KATNBL1: variants seen among roughly 807,000 people sequenced by gnomAD.
KATNBL1 encodes KATNB1-like protein 1.
Under a neutral mutation model 44.7 loss-of-function variants are expected in KATNBL1, and 28 were observed. The ratio of observed to expected loss-of-function variants is 0.63; its 90% CI spans 0.46 to 0.86. KATNBL1 has a LOEUF of 0.86. Ranked by LOEUF, KATNBL1 falls within the 40% of genes least tolerant of loss-of-function variation. KATNBL1 has a pLI of 0.00. For missense variants in KATNBL1, 272 were observed against 350.7 expected (o/e 0.78, Z 1.79); for synonymous variants, 78 against 114.9 (o/e 0.68, Z 2.06).
At chr15:34,188,529 T>C (rs1453351621) in intron 1 of KATNBL1, among the ~76,000 whole-genome samples, 8 of 152,070 alleles carry the variant, frequency 5.3e-5, no homozygotes, top group Non-Finnish European at 1.0e-4. Context: ...GTACTCCAGG[T>C]TGGGCAACAG....
intron 4 of KATNBL1, among the ~76,000 whole-genome samples, chr15:34,150,704 C>G (rs762385960): frequency 2.0e-5 from 3 of 152,330 alleles, no homozygotes; most frequent in East Asian, 1.9e-4. Flanking sequence ...TATTTCATCA[C>G]ACAGGTAATA....
chr15:34,160,020 G>C (rs1210896641), intron 2 of KATNBL1, among the ~76,000 whole-genome samples: 1 of 152,172 alleles, frequency 6.6e-6, no homozygotes, highest in Non-Finnish European at 1.5e-5. Flanking sequence ...ATCAAGGGCT[G>C]TTGGTGGGAC....
chr15:34,156,332 C>T (rs1888636711), intron 2 of KATNBL1, among the ~76,000 whole-genome samples: 1 of 152,170 alleles, frequency 6.6e-6, no homozygotes, highest in Non-Finnish European at 1.5e-5. Context: ...CGACTTGTTA[C>T]CCCAGGCTGT....
chr15:34,191,601 T>A (rs978885477), intron 1 of KATNBL1, among the ~76,000 whole-genome samples: 1 of 152,098 alleles, frequency 6.6e-6, no homozygotes, highest in Non-Finnish European at 1.5e-5. Flanking sequence ...TATTTTTAGT[T>A]GAATGGTAGT....
chr15:34,200,253 CTCTCT>C (rs967816373), intron 1 of KATNBL1, among the ~76,000 whole-genome samples: 1 of 151,782 alleles, frequency 6.6e-6, no homozygotes, highest in African/African-American at 2.4e-5. Flanking sequence ...CTTTCTCTCT[CTCTCT>C]TCTTTTTTTT....
In KATNBL1 at chr15:34,184,293, G is replaced by A. The variant is rs548440284; in HGVS notation, c.-14-20603C>T. ...TGCAGTCCAGCCTGGACGACAGAGC[G>A]AGACTCTGTCTCAAAAAAAAAAAAT... On this transcript the variant is annotated intron_variant, in intron 1 of 9. Transcript: ENST00000256544. Among the ~76,000 whole-genome samples, 315 of 139,448 alleles carry A rather than the reference G, an allele frequency of 2.3e-3. 1 individual carries two copies. The highest frequency in any genetic ancestry group is 8.2e-3 in the African/African-American group (305 of 37,270). The allele number at this position is 139,448 out of a possible 152,430, so 91.5% of individuals were successfully genotyped here. A position where few individuals can be genotyped will look rare whatever the true frequency, so the allele number is the denominator to read the frequency against.
At chr15:34,173,311 A>G (rs1227053379) in intron 1 of KATNBL1, among the ~76,000 whole-genome samples, 1 of 152,224 alleles carries the variant, frequency 6.6e-6, no homozygotes, top group Non-Finnish European at 1.5e-5. Context: ...TCATTGCTAC[A>G]TTTCACAGTA....
At chr15:34,149,105 T>C (rs1053809034) in intron 4 of KATNBL1, among the ~76,000 whole-genome samples, 1 of 152,186 alleles carries the variant, frequency 6.6e-6, no homozygotes, top group African/African-American at 2.4e-5. Context: ...AAAAACTCAG[T>C]TTTTGACAAG....
intron 1 of KATNBL1, among the ~76,000 whole-genome samples, chr15:34,167,879 A>T (rs946032879): frequency 5.3e-5 from 8 of 152,234 alleles, no homozygotes; most frequent in African/African-American, 1.9e-4. Context: ...TTTACAGACA[A>T]GCAAATACCA....
intron 1 of KATNBL1, among the ~76,000 whole-genome samples, chr15:34,173,055 A>G (rs906120114): frequency 5.3e-5 from 8 of 152,100 alleles, no homozygotes; most frequent in Admixed American, 6.5e-5. Context: ...TAAAGATAGT[A>G]AAAAACTCAA....
intron 1 of KATNBL1, among the ~76,000 whole-genome samples, chr15:34,193,479 A>C (rs1272134563): frequency 2.6e-5 from 4 of 152,132 alleles, no homozygotes; most frequent in Non-Finnish European, 5.9e-5. Context: ...GGTTGCAGTG[A>C]ACAGAGATGG....
Position 34,169,456 on chromosome 15 carries a change from C to T in KATNBL1, c.-14-5766G>A, listed in dbSNP as rs547643800. Among the ~76,000 whole-genome samples, 123 of 152,196 alleles carry T rather than the reference C, an allele frequency of 8.1e-4. 2 individuals carry two copies. Among genetic ancestry groups the T allele is most frequent in the African/African-American group, 2.6e-3 (107 of 41,530 alleles). ...AATTGAGGCAATAATTAATAGCCTACCAACCAAAAAAAGTCCAGGACCAAA... is the reference window on the plus strand; with the variant it reads ...AATTGAGGCAATAATTAATAGCCTATCAACCAAAAAAAGTCCAGGACCAAA... On this transcript the variant is annotated intron_variant, in intron 1 of 9. Coordinates refer to ENST00000256544, the MANE Select transcript of KATNBL1 (RefSeq NM_024713.3).
chr15:34,192,376 C>A (rs1430367000), intron 1 of KATNBL1, among the ~76,000 whole-genome samples: 1 of 149,430 alleles, frequency 6.7e-6, no homozygotes, highest in East Asian at 1.9e-4. Context: ...TGCACTCAAG[C>A]CTGGGCGACA....
chr15:34,166,936 C>T (rs144907159), intron 1 of KATNBL1, among the ~76,000 whole-genome samples: 29 of 152,250 alleles, frequency 1.9e-4, no homozygotes, highest in East Asian at 7.7e-4. Context: ...AAACCCCATC[C>T]GTAAGTCACC....
intron 1 of KATNBL1, among the ~76,000 whole-genome samples, chr15:34,176,515 TAGAA>T (rs2140956299): frequency 6.6e-6 from 1 of 152,266 alleles, no homozygotes; most frequent in South Asian, 2.1e-4. Flanking sequence ...TTTATAGAGA[TAGAA>T]AGCAGACTCG....
chr15:34,165,777 G>C (rs1361636533), intron 1 of KATNBL1, among the ~76,000 whole-genome samples: 2 of 152,144 alleles, frequency 1.3e-5, no homozygotes, highest in Non-Finnish European at 2.9e-5. Context: ...CTGGGTGACA[G>C]AGCAAGACTC....
intron 4 of KATNBL1, among the ~76,000 whole-genome samples, chr15:34,150,462 C>T (rs1888434415): frequency 6.6e-6 from 1 of 152,046 alleles, no homozygotes; most frequent in African/African-American, 2.4e-5. Context: ...GGTGTGGTGG[C>T]ACATGCCTGT....
At chr15:34,149,777 C>T (rs1436405092) in intron 4 of KATNBL1, among the ~76,000 whole-genome samples, 2 of 152,198 alleles carry the variant, frequency 1.3e-5, no homozygotes, top group Non-Finnish European at 2.9e-5. Context: ...TGTGTGCCTA[C>T]AGTCCCAGCT....
Position 34,152,808 on chromosome 15 carries a change from A to G in KATNBL1, c.420T>C (p.Tyr140=). 13 of 1,612,238 alleles carry G rather than the reference A, an allele frequency of 8.1e-6. No individual in the cohort carries two copies. The highest frequency in any genetic ancestry group is 1.1e-5 in the South Asian group (1 of 90,740). ...GACTTACCTCAGAAAAAAACCCACT[A>G]TATTTTGATGATGGGCTTTCTGTCT... ...SSQTESPSSK[Y]SGFFSEVSQD... The change falls in exon 4 of 10, where the codon TAT becomes TAC. Residue 140 remains tyrosine (Y), a synonymous_variant. Coordinates refer to ENST00000256544, the MANE Select transcript of KATNBL1 (RefSeq NM_024713.3).
Sources: allele counts gnomAD v4.1 joint callset (sites outside exome capture counted in the v4.1 genomes callset), GRCh38; gene constraint gnomAD v4.1.1; transcripts MANE v1.5; gene names NCBI Gene and HGNC (gene_info 2026-07-23, HGNC 2026-07-21).